Variants in CEL observed in about 807,000 individuals in gnomAD.
CEL encodes the protein carboxyl ester lipase, also known as bile salt-activated lipase.
Under a neutral mutation model 57.1 loss-of-function variants are expected in CEL, and 39 were observed. The observed-to-expected ratio is 0.68, with a 90% CI of 0.53 to 0.89. The LOEUF (loss-of-function observed/expected upper bound fraction) is 0.89, where lower values mean the gene tolerates loss of function less well. CEL is among the 40% of genes least tolerant of loss of function. The probability of loss-of-function intolerance (pLI) is 0.00; values close to 1 mark genes in which losing one functional copy is unlikely to be tolerated. For missense variants in CEL, 698 were observed against 915.0 expected, an observed-to-expected ratio of 0.76 and a Z score of 3.06; for synonymous variants, 314 against 396.6, an observed-to-expected ratio of 0.79 and a Z score of 2.48.
intron 3 of CEL, 51 bp downstream of exon 3, chr9:133,064,813 CG>C (rs779076746): frequency 6.2e-7 from 1 of 1,612,158 alleles, no homozygotes; most frequent in African/African-American, 1.3e-5. Context: ...GCCACTGCCC[CG>C]GGTCTACTCC....
rs367558907 is a variant in CEL at position 133,066,991 on chromosome 9, T to C, written c.777+46T>C. ...CTGGGCGGGGTGGGGGCTGTCCACA[T>C]TTCCGTTCTTTATCCTGGACCCCAT... On this transcript the variant is annotated intron_variant, in intron 6 of 10. Transcript: ENST00000372080. This position sits in a 1 kb window ranked among gnomAD's most constrained non-coding sequence, Gnocchi z 4.3. 2.6e-5 allele frequency: 42 copies of C among 1,604,222 alleles called. No individual in the cohort carries two copies. Among genetic ancestry groups the C allele is most frequent in the Non-Finnish European group, 3.4e-5 (40 of 1,171,290 alleles).
Position 133,065,030 on chromosome 9 carries a change from C to T in CEL, c.341-10C>T. 10 of 1,612,540 alleles carry T rather than the reference C, an allele frequency of 6.2e-6. No homozygotes were observed. The highest frequency in any genetic ancestry group is 8.5e-6 in the Non-Finnish European group (10 of 1,179,876). ...GGCGTCTGGGGTCACCAGCCGCTCC[C>T]CCATCTCAGTCTCCCGGGACCTGCC... On this transcript the variant is annotated splice_polypyrimidine_tract_variant and intron_variant, in intron 3 of 10. Transcript: ENST00000372080.
Position 133,067,160 on chromosome 9 carries a change from C to G in CEL, c.850C>G (p.Arg284Gly), listed in dbSNP as rs369868891. The change falls in exon 7 of 11, where the codon CGA (arginine) becomes GGA (glycine). Residue 284 changes from arginine to glycine, a missense_variant. Coordinates refer to ENST00000372080, the MANE Select transcript of CEL (RefSeq NM_001807.6). Reference sequence around the variant, plus strand: ...CCAGTGTCTGAAGGTTACTGATCCCCGAGCCCTGACGCTGGCCTATAAGGT... The same window carrying G: ...CCAGTGTCTGAAGGTTACTGATCCCGGAGCCCTGACGCTGGCCTATAAGGT... ...MAQCLKVTDP[R>G]ALTLAYKVPL... 5.9e-5 allele frequency: 96 copies of G among 1,613,952 alleles called. 1 individual carries two copies. In the African/African-American group the frequency reaches 1.1e-3, roughly 19 times the overall value.
In CEL at chr9:133,071,667, C is replaced by T. The variant is rs774058715; in HGVS notation, c.2165C>T (p.Ala722Val). 9.0e-6 allele frequency: 14 copies of T among 1,550,104 alleles called. No individual in the cohort carries two copies. Among genetic ancestry groups the T allele is most frequent in the Admixed American group, 6.8e-5 (4 of 58,746 alleles). Residue 722 changes from alanine to valine, a missense_variant, in exon 11 of 11, where the codon GCC (alanine) becomes GTC (valine). By Grantham distance (64) the Ala-to-Val change is moderately conservative. Transcript: ENST00000372080. ...APVPPTGDSG[A>V]PPVPPTGDSE... is the part of the protein sequence containing the mutation. ...GTGCCGCCCACGGGTGACTCCGGGG[C>T]CCCCCCTGTGCCCCCCACGGGTGAC...
In CEL at chr9:133,064,736, T is replaced by C. The variant is rs775303595; in HGVS notation, c.314T>C (p.Ile105Thr). The change falls in exon 3 of 11, where the codon ATT becomes ACT. Residue 105 changes from isoleucine (I) to threonine (T), a missense_variant. Physicochemically the swap from Ile to Thr is moderately conservative, Grantham distance 89. Around this residue, in one of 6 missense-constraint regions of CEL, gnomAD observed 327 missense variants for 374.1 expected, o/e 0.87. Transcript: ENST00000372080. ...GATGAAGACTGCCTGTACCTCAACA[T>C]TTGGGTGCCCCAGGGCAGGAAGCAA... ...YGDEDCLYLNIWVPQGRKQVS... is the reference protein window; with the variant it reads ...YGDEDCLYLNTWVPQGRKQVS... 2.5e-6 allele frequency: 4 copies of C among 1,613,926 alleles called. No individual in the cohort carries two copies. Among genetic ancestry groups the C allele is most frequent in the Non-Finnish European group, 3.4e-6 (4 of 1,180,010 alleles).
chr9:133,068,115 A>G (rs1290978579), intron 7 of CEL, among the ~76,000 whole-genome samples: 3 of 152,214 alleles, frequency 2.0e-5, no homozygotes, highest in Non-Finnish European at 4.4e-5. Flanking sequence ...GCCCCGCTAG[A>G]AGCAAAACCT....
chr9:133,064,871 C>T, intron 3 of CEL, 109 bp downstream of exon 3: 1 of 1,579,594 alleles, frequency 6.3e-7, no homozygotes, highest in East Asian at 2.3e-5. Flanking sequence ...TGAAATCCCA[C>T]AGAGGCGGGG....
chr9:133,065,221 G>T lies in CEL; in HGVS notation c.522G>T (p.Gly174=). The change falls in exon 4 of 11, where the codon GGG becomes GGT. Residue 174 remains glycine, a synonymous_variant. Transcript: ENST00000372080. ...RVGPLGFLST[G]DANLPGNYGL... Reference sequence around the variant, plus strand: ...GCCCCCTTGGGTTCCTCAGCACTGGGGACGCCAATCTGCCAGGTGCGTGGG... The same window carrying T: ...GCCCCCTTGGGTTCCTCAGCACTGGTGACGCCAATCTGCCAGGTGCGTGGG... 1.2e-6 allele frequency: 2 copies of T among 1,613,334 alleles called. No individual in the cohort carries two copies. The highest frequency in any genetic ancestry group is 2.2e-5 in the East Asian group (1 of 44,886).
chr9:133,065,038 A>G lies in CEL; in HGVS notation c.341-2A>G, dbSNP rs755075929. The G allele has an allele frequency of 3.1e-6, 5 of 1,611,098 alleles. No homozygotes were observed. The highest frequency in any genetic ancestry group is 1.7e-5 in the Admixed American group (1 of 59,960). On this transcript the variant is annotated splice_acceptor_variant, in intron 3 of 10. Transcript: ENST00000372080. LOFTEE classifies it high-confidence loss of function. The stretch of plus-strand genomic sequence containing the variant: ...GGGTCACCAGCCGCTCCCCCATCTC[A>G]GTCTCCCGGGACCTGCCCGTTATGA...
At chr9:133,067,835 G>A (rs11243989) in intron 7 of CEL, among the ~76,000 whole-genome samples, 92 of 152,160 alleles carry the variant, frequency 6.0e-4, no homozygotes, top group African/African-American at 1.9e-3. Context: ...CTAGATGACC[G>A]TTCATTCATT....
chr9:133,067,059 C>G, intron 6 of CEL, 29 bp from the exon 7 acceptor site: 1 of 1,612,592 alleles, frequency 6.2e-7, no homozygotes, highest in Non-Finnish European at 8.5e-7. Flanking sequence ...CCGGCCTCAC[C>G]TACCTGCTGG....
intron 1 of CEL, among the ~76,000 whole-genome samples, chr9:133,062,773 C>T (rs1213867003): frequency 4.0e-5 from 6 of 151,504 alleles, no homozygotes; most frequent in African/African-American, 1.5e-4. Flanking sequence ...GGAGAGCAGG[C>T]AGACGGGTGG....
At position 133,071,575 on chromosome 9, in the gene CEL, C is replaced by CT. The variant is rs1564214180; in HGVS notation, c.2073_2074insT (p.Val692CysfsTer6). The CT allele has an allele frequency of 1.8e-6, 2 of 1,115,094 alleles. No homozygotes were observed. The highest frequency in any genetic ancestry group is 2.2e-5 in the Admixed American group (1 of 44,898). The allele number at this position is 1,115,094 out of a possible 1,614,324, so 69.1% of individuals were successfully genotyped here. On this transcript the variant is annotated frameshift_variant, in exon 11 of 11. Coordinates refer to ENST00000372080, the MANE Select transcript of CEL (RefSeq NM_001807.6). LOFTEE classifies it high-confidence loss of function. Reference sequence around the variant, plus strand: ...CCACGGGTGACTCCGGCGCCCCCCCCGTGCCGCCCACGGGTGACTCCGGGG... The same window carrying CT: ...CCACGGGTGACTCCGGCGCCCCCCCCTGTGCCGCCCACGGGTGACTCCGGGG...
At chr9:133,063,028 A>G (rs1359917238) in intron 1 of CEL, among the ~76,000 whole-genome samples, 2 of 151,786 alleles carry the variant, frequency 1.3e-5, no homozygotes, top group Non-Finnish European at 2.9e-5. Flanking sequence ...TGCCCCCAGC[A>G]GGAGTCACAC....
intron 10 of CEL, 118 bp downstream of exon 10, chr9:133,070,776 C>A: frequency 1.5e-6 from 2 of 1,342,718 alleles, no homozygotes; most frequent in Non-Finnish European, 2.1e-6. Flanking sequence ...TAACCTCCCC[C>A]TGCATCGGAA....
chr9:133,070,936 T>A (rs1258719466), intron 10 of CEL, 51 bp from the exon 11 acceptor site: 1 of 1,600,108 alleles, frequency 6.2e-7, no homozygotes, highest in Admixed American at 1.7e-5. Context: ...GAGCAGGGCT[T>A]CAGCCCCCTG....
At position 133,063,362 on chromosome 9, in the gene CEL, G is replaced by A. The variant is rs542957306; in HGVS notation, c.67-1042G>A. Among the ~76,000 whole-genome samples, 4 of 152,306 alleles carry A rather than the reference G, an allele frequency of 2.6e-5. No individual in the cohort carries two copies. In the East Asian group the frequency reaches 7.7e-4, roughly 29 times the overall value. On this transcript the variant is annotated intron_variant, in intron 1 of 10. Transcript: ENST00000372080. ...CAGATGCCTCGCAGGGGATGCCCAC[G>A]ATGCCTGCATGTGTTGCTTCTGGTT...
intron 9 of CEL, 48 bp from the exon 10 acceptor site, chr9:133,070,413 C>G (rs138715663): frequency 1.3e-6 from 2 of 1,518,412 alleles, no homozygotes; most frequent in African/African-American, 1.4e-5. Context: ...CTGGGCTGAT[C>G]GGTCCCCAGT....
In CEL at chr9:133,066,174, G is replaced by T. The variant is rs985273275; in HGVS notation, c.539-356G>T. ...CAGGACACAGACAGGAGGGACTGGG[G>T]CAGGGGCAGGAGAGGTGCATGGGCC... On this transcript the variant is annotated intron_variant, in intron 4 of 10. Transcript: ENST00000372080. The surrounding 1 kb of genome is among the most constrained non-coding windows in gnomAD (Gnocchi z 4.3). Among the ~76,000 whole-genome samples, 2 of 152,136 alleles carry T rather than the reference G, an allele frequency of 1.3e-5. No homozygotes were observed. Among genetic ancestry groups the T allele is most frequent in the Non-Finnish European group, 2.9e-5 (2 of 68,004 alleles).
Sources: gnomAD v4.1 joint callset for allele counts (sites outside exome capture counted in the v4.1 genomes callset) on GRCh38, gnomAD v4.1.1 for gene constraint, gnomAD v4.1.1 regional missense constraint, Gnocchi (gnomAD v3.1) non-coding constraint, MANE v1.5 for transcripts, NCBI Gene and HGNC (gene_info 2026-07-23, HGNC 2026-07-21) for gene names.